Variants in PDZD2 observed in about 807,000 individuals in gnomAD.
PDZD2 encodes PDZ domain containing 2.
In PDZD2, 90 loss-of-function variants were observed where a neutral mutation model predicts 220.7. That is an observed-to-expected ratio of 0.41 (90% CI 0.34 to 0.49). PDZD2 has a LOEUF of 0.49. Among genes scored for constraint, PDZD2 ranks in the 20% least tolerant of loss-of-function variants. PDZD2 has a pLI of 0.28. For missense variants in PDZD2, 3,174 were observed against 3,608.5 expected (o/e 0.88, Z 3.08); for synonymous variants, 1,375 against 1,450.5 (o/e 0.95, Z 1.18).
intron 5 of PDZD2, among the ~76,000 whole-genome samples, chr5:32,004,830 T>C (rs1415687928): frequency 6.6e-6 from 1 of 152,244 alleles, no homozygotes; most frequent in Non-Finnish European, 1.5e-5. Flanking sequence ...GCTTGGGTCC[T>C]CGTGGGGCTG....
intron 4 of PDZD2, among the ~76,000 whole-genome samples, chr5:31,997,290 G>GTACA (rs903544844): frequency 3.5e-4 from 54 of 152,160 alleles, no homozygotes; most frequent in African/African-American, 1.3e-3. Flanking sequence ...ATCACATGAG[G>GTACA]TACAGTTGAA....
intron 14 of PDZD2, among the ~76,000 whole-genome samples, chr5:32,063,946 C>T (rs1387074235): frequency 6.6e-6 from 1 of 152,206 alleles, no homozygotes; most frequent in Non-Finnish European, 1.5e-5. Flanking sequence ...CCTCCTCTGT[C>T]TAAGCCAACC....
intron 2 of PDZD2, among the ~76,000 whole-genome samples, chr5:31,975,414 CCAGGTCCCTCCCAT>C (rs1749662971): frequency 6.6e-6 from 1 of 152,194 alleles, no homozygotes; most frequent in African/African-American, 2.4e-5. Flanking sequence ...TTACCTCCCA[CCAGGTCCCTCCCAT>C]GACATGTGGC....
chr5:31,749,946 T>G (rs1353015402), intron 1 of PDZD2, among the ~76,000 whole-genome samples: 1 of 152,224 alleles, frequency 6.6e-6, no homozygotes, highest in Non-Finnish European at 1.5e-5. Context: ...ATGATGTTGT[T>G]TATCTTTGGG....
chr5:32,009,296 T>C (rs542600794), intron 5 of PDZD2, among the ~76,000 whole-genome samples: 22 of 151,866 alleles, frequency 1.4e-4, no homozygotes, highest in African/African-American at 4.8e-4. Flanking sequence ...TGAGCTGAGA[T>C]TGTGCCACTG....
chr5:31,881,593 G>C (rs1739931169), intron 2 of PDZD2, among the ~76,000 whole-genome samples: 1 of 151,652 alleles, frequency 6.6e-6, no homozygotes, highest in Non-Finnish European at 1.5e-5. Context: ...GGCCAGACTG[G>C]TCTCAAACTC....
At chr5:31,658,927 C>T (rs1265132589) in intron 1 of PDZD2, among the ~76,000 whole-genome samples, 1 of 152,122 alleles carries the variant, frequency 6.6e-6, no homozygotes, top group African/African-American at 2.4e-5. Flanking sequence ...CCTGTTTTCA[C>T]TTCTTAAATC....
intron 2 of PDZD2, among the ~76,000 whole-genome samples, chr5:31,875,848 C>A (rs367903902): frequency 1.3e-5 from 2 of 151,686 alleles, no homozygotes; most frequent in African/African-American, 2.4e-5. Context: ...TCTATTCCTG[C>A]ATCAATGTTA....
At position 31,919,322 on chromosome 5, in the gene PDZD2, G is replaced by GC. The variant is rs371591632; in HGVS notation, c.477-63829dup. ...CTAGTGAGCAGGAATGCTAAGTTTA[G>GC]CCCCATAGTTGTTTAACTGAAGCTC... On this transcript the variant is annotated intron_variant, in intron 2 of 24. Transcript: ENST00000438447. 1.4e-3 allele frequency among the ~76,000 whole-genome samples: 220 copies of GC among 151,772 alleles called. 1 individual carries two copies. The highest frequency in any genetic ancestry group is 4.9e-3 in the African/African-American group (204 of 41,382).
chr5:32,103,680 C>T (rs985987167), intron 24 of PDZD2: 28 of 152,190 alleles, frequency 1.8e-4, no homozygotes, highest in Non-Finnish European at 3.7e-4. Flanking sequence ...CGGGAGTGGC[C>T]GCCTTCGTGG....
chr5:31,835,973 T>C (rs1756920931), intron 2 of PDZD2, among the ~76,000 whole-genome samples: 1 of 152,208 alleles, frequency 6.6e-6, no homozygotes, highest in African/African-American at 2.4e-5. Flanking sequence ...AATGTAGTCA[T>C]AAACCCTTGT....
chr5:31,698,094 A>C (rs1747452825), intron 1 of PDZD2, among the ~76,000 whole-genome samples: 1 of 147,876 alleles, frequency 6.8e-6, no homozygotes, highest in Non-Finnish European at 1.5e-5. Context: ...TTTTTAGTAG[A>C]GACGGGGTTT....
chr5:31,769,844 T>C (rs929005856), intron 1 of PDZD2, among the ~76,000 whole-genome samples: 1 of 152,198 alleles, frequency 6.6e-6, no homozygotes, highest in African/African-American at 2.4e-5. Context: ...GATGAAAACT[T>C]TCAGACTAAA....
At chr5:31,869,596 G>A (rs1738586818) in intron 2 of PDZD2, among the ~76,000 whole-genome samples, 1 of 152,112 alleles carries the variant, frequency 6.6e-6, no homozygotes, top group African/African-American at 2.4e-5. Flanking sequence ...AAAAAGAAAT[G>A]TATTGACTGC....
intron 1 of PDZD2, among the ~76,000 whole-genome samples, chr5:31,702,754 G>A (rs912006938): frequency 6.6e-6 from 1 of 152,242 alleles, no homozygotes; most frequent in Admixed American, 6.5e-5. Context: ...CTCAGCATTT[G>A]AGACTCAGAG....
In PDZD2 at chr5:32,040,390, G is replaced by T. The variant is rs113883522; in HGVS notation, c.1519+3048G>T. Among the ~76,000 whole-genome samples, 1,385 of 146,678 alleles carry T rather than the reference G, an allele frequency of 9.4e-3. 17 individuals carry two copies. Among genetic ancestry groups the T allele is most frequent in the African/African-American group, 0.034 (1,317 of 39,092 alleles). On this transcript the variant is annotated intron_variant, in intron 7 of 24. Coordinates refer to ENST00000438447, the MANE Select transcript of PDZD2 (RefSeq NM_178140.4). ...CGTCTAGGAAGTGAGGAGTGCGTCT[G>T]CCCGGCCGCCACCCTGTCTAGGAAG...
At chr5:31,924,254 A>G (rs1323727748) in intron 2 of PDZD2, among the ~76,000 whole-genome samples, 1 of 152,112 alleles carries the variant, frequency 6.6e-6, no homozygotes, top group East Asian at 1.9e-4. Context: ...TCCTTCCCAG[A>G]ATGCCTGTTC....
intron 2 of PDZD2, among the ~76,000 whole-genome samples, chr5:31,920,524 AG>A (rs1554006886): frequency 1.6e-3 from 10 of 6,236 alleles, no homozygotes; most frequent in Non-Finnish European, 2.4e-3. Context: ...AAAAAAAAAA[AG>A]TCCAGGCACT....
intron 2 of PDZD2, among the ~76,000 whole-genome samples, chr5:31,965,299 G>C (rs1365820999): frequency 1.3e-5 from 2 of 152,196 alleles, no homozygotes; most frequent in Non-Finnish European, 2.9e-5. Context: ...GGCTGGAGGA[G>C]GCAGTGTCTG....
Sources: gnomAD v4.1 joint callset for allele counts (sites outside exome capture counted in the v4.1 genomes callset) on GRCh38, gnomAD v4.1.1 for gene constraint, MANE v1.5 for transcripts, NCBI Gene and HGNC (gene_info 2026-07-23, HGNC 2026-07-21) for gene names.